Variants in GNAQ observed in about 807,000 individuals in gnomAD.
The protein encoded by GNAQ is G protein subunit alpha q.
Under a neutral mutation model 43.9 loss-of-function variants are expected in GNAQ, and 8 were observed. That is an observed-to-expected ratio of 0.18 (90% CI 0.11 to 0.33). The LOEUF is 0.33. Among genes scored for constraint, GNAQ ranks in the 10% least tolerant of loss-of-function variants. The pLI, the probability that GNAQ is intolerant of heterozygous loss-of-function variation, is 1.00. For synonymous variants in GNAQ, 155 were observed against 170.7 expected, an observed-to-expected ratio of 0.91 and a Z score of 0.71; for missense variants, 158 against 450.8, an observed-to-expected ratio of 0.35 and a Z score of 5.88.
At chr9:77,890,642 G>A (rs1828390050) in intron 2 of GNAQ, among the ~76,000 whole-genome samples, 1 of 152,150 alleles carries the variant, frequency 6.6e-6, no homozygotes, top group Non-Finnish European at 1.5e-5. Context: ...AGAATCGCTT[G>A]AACCCAGGAG....
intron 5 of GNAQ, among the ~76,000 whole-genome samples, chr9:77,788,654 T>C (rs961247174): frequency 6.6e-6 from 1 of 152,238 alleles, no homozygotes; most frequent in Admixed American, 6.5e-5. Flanking sequence ...TAGGTCATTA[T>C]TTTAAGTTCT....
At chr9:77,945,362 T>G (rs1822875840) in intron 1 of GNAQ, among the ~76,000 whole-genome samples, 3 of 152,010 alleles carry the variant, frequency 2.0e-5, no homozygotes, top group South Asian at 4.2e-4. Flanking sequence ...GAGAGAGAGA[T>G]TTCTTAAATT....
intron 2 of GNAQ, among the ~76,000 whole-genome samples, chr9:77,856,520 A>ATG (rs1827757838): frequency 6.6e-6 from 1 of 152,184 alleles, no homozygotes; most frequent in African/African-American, 2.4e-5. Flanking sequence ...TTTCATACAC[A>ATG]ATAGTTTACA....
At chr9:77,845,015 C>T (rs1029535883) in intron 2 of GNAQ, among the ~76,000 whole-genome samples, 6 of 152,114 alleles carry the variant, frequency 3.9e-5, no homozygotes, top group African/African-American at 1.4e-4. Flanking sequence ...TATTACAAAA[C>T]TATGGGGATG....
intron 1 of GNAQ, among the ~76,000 whole-genome samples, chr9:77,961,123 G>T (rs1823101830): frequency 6.6e-6 from 1 of 152,076 alleles, no homozygotes; most frequent in Non-Finnish European, 1.5e-5. Context: ...GAACCTAATG[G>T]ATATTACCAG....
intron 1 of GNAQ, among the ~76,000 whole-genome samples, chr9:77,947,862 T>C (rs1366406132): frequency 6.6e-6 from 1 of 152,176 alleles, no homozygotes; most frequent in Non-Finnish European, 1.5e-5. Context: ...GTCAGAGCCA[T>C]AAGGCCTCTG....
At chr9:77,829,713 C>T (rs1827265380) in intron 2 of GNAQ, among the ~76,000 whole-genome samples, 1 of 152,136 alleles carries the variant, frequency 6.6e-6, no homozygotes, top group East Asian at 1.9e-4. Flanking sequence ...TCTGCATCGC[C>T]TTAGAGCTTA....
chr9:77,810,915 ACT>A (rs1458400633), intron 3 of GNAQ, among the ~76,000 whole-genome samples: 2 of 152,148 alleles, frequency 1.3e-5, no homozygotes, highest in African/African-American at 4.8e-5. Flanking sequence ...AGAAAGGGTG[ACT>A]CTTGAGTCGG....
chr9:77,789,503 T>C (rs1286132394), intron 5 of GNAQ, among the ~76,000 whole-genome samples: 1 of 152,134 alleles, frequency 6.6e-6, no homozygotes, highest in Non-Finnish European at 1.5e-5. Context: ...TTAAAAAAAG[T>C]ATCATTTAAA....
intron 2 of GNAQ, among the ~76,000 whole-genome samples, chr9:77,873,966 A>C (rs1424225151): frequency 6.6e-6 from 1 of 151,954 alleles, no homozygotes; most frequent in Non-Finnish European, 1.5e-5. Context: ...TTAGTCAGGC[A>C]TGGTGGTGCA....
rs11145568 is a variant in GNAQ, at chr9:77,806,749, T to C, written c.476+8867A>G. On this transcript the variant is annotated intron_variant, in intron 3 of 6. Transcript: ENST00000286548. ...CTATCACTCATTCATTCAACAACTT[T>C]TACGGAAAGTCTACAGTAAGCTAGG... 3.6e-3 allele frequency among the ~76,000 whole-genome samples: 555 copies of C among 152,276 alleles called. 5 individuals carry two copies. Among genetic ancestry groups the C allele is most frequent in the African/African-American group, 0.013 (534 of 41,538 alleles).
At chr9:77,728,454 TG>T in intron 6 of GNAQ, 59 bp downstream of exon 6, 3 of 1,203,722 alleles carry the variant, frequency 2.5e-6, no homozygotes, top group Non-Finnish European at 3.7e-6. Context: ...ACTCCCACAC[TG>T]GGGTTTGGAG....
chr9:77,777,224 G>A (rs1463804187), intron 5 of GNAQ, among the ~76,000 whole-genome samples: 1 of 151,994 alleles, frequency 6.6e-6, no homozygotes, highest in African/African-American at 2.4e-5. Context: ...ATATAAAGAT[G>A]GTCCTAACTT....
intron 2 of GNAQ, among the ~76,000 whole-genome samples, chr9:77,831,489 A>AGTGG (rs1432136613): frequency 6.6e-6 from 1 of 152,210 alleles, no homozygotes. Flanking sequence ...ACCCACCAGA[A>AGTGG]GTGGAAAAAT....
At chr9:77,967,863 C>G (rs1402005959) in intron 1 of GNAQ, among the ~76,000 whole-genome samples, 1 of 151,994 alleles carries the variant, frequency 6.6e-6, no homozygotes, top group African/African-American at 2.4e-5. Flanking sequence ...CCTTGTAATC[C>G]CTGCTACTTG....
chr9:77,855,441 A>C (rs1020042034), intron 2 of GNAQ, among the ~76,000 whole-genome samples: 1 of 152,132 alleles, frequency 6.6e-6, no homozygotes, highest in Non-Finnish European at 1.5e-5. Context: ...GCAGTTCCCC[A>C]AAAAATGACT....
intron 2 of GNAQ, among the ~76,000 whole-genome samples, chr9:77,867,278 T>G (rs1827964534): frequency 6.6e-6 from 1 of 152,162 alleles, no homozygotes; most frequent in Non-Finnish European, 1.5e-5. Flanking sequence ...AAAAATTCAT[T>G]TGTATTCCCT....
At chr9:77,775,066 T>C (rs1005718528) in intron 5 of GNAQ, among the ~76,000 whole-genome samples, 1 of 152,208 alleles carries the variant, frequency 6.6e-6, no homozygotes, top group Non-Finnish European at 1.5e-5. Context: ...TTTACATCAA[T>C]ATATCATGAG....
intron 3 of GNAQ, among the ~76,000 whole-genome samples, chr9:77,811,136 A>G (rs1437393955): frequency 6.6e-6 from 1 of 152,124 alleles, no homozygotes; most frequent in Non-Finnish European, 1.5e-5. Flanking sequence ...AGTATTCCCT[A>G]AATCTACTCT....
Sources: allele counts gnomAD v4.1 joint callset (sites outside exome capture counted in the v4.1 genomes callset), GRCh38; gene constraint gnomAD v4.1.1; transcripts MANE v1.5; gene names NCBI Gene and HGNC (gene_info 2026-07-23, HGNC 2026-07-21).